The following TRIM71 variants were observed in gnomAD, a reference collection of about 807,000 sequenced individuals.
TRIM71 encodes E3 ubiquitin-protein ligase TRIM71.
In TRIM71, 9 loss-of-function variants were observed where a neutral mutation model predicts 61.2. The ratio of observed to expected loss-of-function variants is 0.15; its 90% confidence interval spans 0.09 to 0.26. The LOEUF (loss-of-function observed/expected upper bound fraction) is 0.26. Among genes scored for constraint, TRIM71 ranks in the 10% least tolerant of loss-of-function variants. TRIM71 has a pLI of 1.00. For synonymous variants in TRIM71, 645 were observed against 553.2 expected (o/e 1.17, Z -2.33); for missense variants, 998 against 1,238.7 (o/e 0.81, Z 2.92).
chr3:32,857,157 T>A (rs1195368016), intron 1 of TRIM71, among the ~76,000 whole-genome samples: 1 of 152,230 alleles, frequency 6.6e-6, no homozygotes, highest in Non-Finnish European at 1.5e-5. Context: ...GAGCTTTCCC[T>A]GGGTCCCCTG....
At chr3:32,873,063 TCCTCCCTC>T (rs1300698001) in intron 1 of TRIM71, among the ~76,000 whole-genome samples, 848 of 83,616 alleles carry the variant, frequency 0.01, 12 homozygotes, top group South Asian at 0.027. Flanking sequence ...TTCTCTCTCT[TCCTCCCTC>T]CCTCCCTCCC....
At chr3:32,824,218 T>C (rs1217318977) in intron 1 of TRIM71, among the ~76,000 whole-genome samples, 1 of 152,190 alleles carries the variant, frequency 6.6e-6, no homozygotes, top group African/African-American at 2.4e-5. Flanking sequence ...ACTCTTGTTA[T>C]CCAGGCTGGA....
chr3:32,843,710 C>T (rs1696437259), intron 1 of TRIM71, among the ~76,000 whole-genome samples: 1 of 152,188 alleles, frequency 6.6e-6, no homozygotes, highest in Non-Finnish European at 1.5e-5. Flanking sequence ...GTTTTCTGTT[C>T]CAGCCCAGCC....
At chr3:32,847,821 T>G (rs1696492811) in intron 1 of TRIM71, among the ~76,000 whole-genome samples, 1 of 152,196 alleles carries the variant, frequency 6.6e-6, no homozygotes, top group Non-Finnish European at 1.5e-5. Flanking sequence ...TTTTTTGTTT[T>G]GTTTTGGGAG....
Position 32,827,332 on chromosome 3 carries a change from C to G in TRIM71, c.852+8400C>G, listed in dbSNP as rs569186045. On this transcript the variant is annotated intron_variant, in intron 1 of 3. Transcript: ENST00000383763. ...AGGCTGGAGTGTAATGGTGTGATCT[C>G]GGCTCCTTGTACCTTCTGCCTCCTG... 2.5e-4 allele frequency among the ~76,000 whole-genome samples: 35 copies of G among 140,212 alleles called. No individual in the cohort carries two copies. In the South Asian group the frequency reaches 7.6e-3, roughly 30 times the overall value. 92.0% of individuals were successfully genotyped at this position (140,212 alleles called of 152,430 possible). A position where few individuals can be genotyped will look rare whatever the true frequency, so the allele number is the denominator to read the frequency against.
At chr3:32,830,576 A>G (rs1291090917) in intron 1 of TRIM71, among the ~76,000 whole-genome samples, 1 of 152,126 alleles carries the variant, frequency 6.6e-6, no homozygotes, top group Non-Finnish European at 1.5e-5. Flanking sequence ...CCAACACCTC[A>G]GAGCAATTTG....
At chr3:32,860,221 C>T (rs530839207) in intron 1 of TRIM71, among the ~76,000 whole-genome samples, 5 of 149,202 alleles carry the variant, frequency 3.4e-5, no homozygotes, top group Admixed American at 2.0e-4. Context: ...TGCAATGGTG[C>T]GATCTCTGCT....
At chr3:32,827,393 G>T (rs1408293281) in intron 1 of TRIM71, among the ~76,000 whole-genome samples, 1 of 151,372 alleles carries the variant, frequency 6.6e-6, no homozygotes, top group Middle Eastern at 3.2e-3. Flanking sequence ...CTCACGAGTA[G>T]CTGGGATCAC....
intron 1 of TRIM71, among the ~76,000 whole-genome samples, chr3:32,871,771 T>A (rs1362826543): frequency 6.6e-6 from 1 of 152,214 alleles, no homozygotes; most frequent in African/African-American, 2.4e-5. Flanking sequence ...GGTTTCAGTC[T>A]GCCACCATTG....
intron 1 of TRIM71, among the ~76,000 whole-genome samples, chr3:32,829,580 C>T (rs958839263): frequency 5.9e-5 from 9 of 151,680 alleles, no homozygotes; most frequent in Non-Finnish European, 1.5e-5. Flanking sequence ...ATGGAACAGT[C>T]TAATCTCAGC....
chr3:32,857,175 T>G (rs1696615585), intron 1 of TRIM71, among the ~76,000 whole-genome samples: 1 of 152,234 alleles, frequency 6.6e-6, no homozygotes, highest in South Asian at 2.1e-4. Context: ...CTGTTCCCTC[T>G]GTTTTACTTC....
chr3:32,883,038 T>A (rs1696926450), intron 2 of TRIM71, among the ~76,000 whole-genome samples: 1 of 152,218 alleles, frequency 6.6e-6, no homozygotes, highest in Non-Finnish European at 1.5e-5. Flanking sequence ...CTCAGTGTGC[T>A]CTTTGCCCCA....
chr3:32,829,773 T>C (rs911005330), intron 1 of TRIM71, among the ~76,000 whole-genome samples: 3 of 152,064 alleles, frequency 2.0e-5, no homozygotes, highest in African/African-American at 7.2e-5. Flanking sequence ...GGCCTGGTTA[T>C]GAAATGACTT....
At chr3:32,871,862 G>A (rs983358217) in intron 1 of TRIM71, among the ~76,000 whole-genome samples, 3 of 152,220 alleles carry the variant, frequency 2.0e-5, no homozygotes, top group Non-Finnish European at 2.9e-5. Flanking sequence ...GTAGGATCTG[G>A]GCCGGGTGCG....
chr3:32,853,236 C>T (rs1407221938), intron 1 of TRIM71, among the ~76,000 whole-genome samples: 2 of 151,882 alleles, frequency 1.3e-5, no homozygotes, highest in East Asian at 3.9e-4. Context: ...CCTGCCTCAG[C>T]CTCCCGAGTA....
At chr3:32,830,846 T>G (rs780106030) in intron 1 of TRIM71, among the ~76,000 whole-genome samples, 10 of 152,190 alleles carry the variant, frequency 6.6e-5, no homozygotes, top group Non-Finnish European at 1.5e-4. Flanking sequence ...TTGTTTGTTT[T>G]TTTGCTGGAA....
Position 32,891,670 on chromosome 3 carries a change from A to C in TRIM71, c.2466A>C (p.Glu822Asp). The change falls in exon 4 of 4, where the codon GAA becomes GAC. Residue 822 changes from glutamate (E) to aspartate (D), a missense_variant. This residue lies in a region of TRIM71 where 95 missense variants were observed against 159.0 expected (regional missense o/e 0.60). Coordinates refer to ENST00000383763, the MANE Select transcript of TRIM71 (RefSeq NM_001039111.3). The surrounding 1 kb of genome is among the most constrained non-coding windows in gnomAD (Gnocchi z 8.2). ...DSRNHRVQMF[E>D]SNGSFLCKFG... ...GGAACCATCGGGTACAGATGTTTGAATCCAACGGCAGCTTCCTGTGCAAGT... is the reference window on the plus strand; with the variant it reads ...GGAACCATCGGGTACAGATGTTTGACTCCAACGGCAGCTTCCTGTGCAAGT... The C allele has an allele frequency of 6.2e-7, 1 of 1,613,970 alleles. No homozygotes were observed. The highest frequency in any genetic ancestry group is 8.5e-7 in the Non-Finnish European group (1 of 1,179,910).
At chr3:32,846,621 A>G (rs1168202347) in intron 1 of TRIM71, among the ~76,000 whole-genome samples, 1 of 151,970 alleles carries the variant, frequency 6.6e-6, no homozygotes. Flanking sequence ...GAAACTTTTA[A>G]CCGACATCTC....
At chr3:32,883,181 G>A (rs371943391) in intron 2 of TRIM71, among the ~76,000 whole-genome samples, 2 of 152,192 alleles carry the variant, frequency 1.3e-5, no homozygotes, top group African/African-American at 2.4e-5. Flanking sequence ...TACTAAAAAT[G>A]TATCAATGCT....
Sources: allele counts gnomAD v4.1 joint callset (sites outside exome capture counted in the v4.1 genomes callset), GRCh38; gene constraint gnomAD v4.1.1; regional missense constraint gnomAD v4.1.1; non-coding constraint Gnocchi (gnomAD v3.1); transcripts MANE v1.5; gene names NCBI Gene and HGNC (gene_info 2026-07-23, HGNC 2026-07-21).